Variants in CSMD1 observed in about 807,000 individuals in gnomAD.
CSMD1 encodes the protein CUB and Sushi multiple domains 1.
CSMD1 carries 213 observed loss-of-function variants against 417.5 expected under a neutral mutation model. The observed-to-expected ratio is 0.51, with a 90% CI of 0.46 to 0.57. The LOEUF (loss-of-function observed/expected upper bound fraction) is 0.57. Among genes scored for constraint, CSMD1 ranks in the 20% least tolerant of loss-of-function variants. CSMD1 has a pLI of 0.00. For missense variants in CSMD1, 6,923 were observed against 4,529.7 expected (o/e 1.53, Z -15.17); for synonymous variants, 2,862 against 1,736.8 (o/e 1.65, Z -16.11).
At chr8:3,517,414 AAG>A (rs769790780) in intron 10 of CSMD1, among the ~76,000 whole-genome samples, 20 of 152,272 alleles carry the variant, frequency 1.3e-4, no homozygotes, top group Non-Finnish European at 2.5e-4. Flanking sequence ...TATCCAAGCA[AAG>A]AGAGTCCTCT....
intron 12 of CSMD1, among the ~76,000 whole-genome samples, chr8:3,410,817 C>T (rs557233073): frequency 6.6e-6 from 1 of 152,116 alleles, no homozygotes; most frequent in Non-Finnish European, 1.5e-5. Context: ...TAGCTCACTG[C>T]AACTTCCAAC....
intron 5 of CSMD1, among the ~76,000 whole-genome samples, chr8:3,932,810 G>C (rs1036417675): frequency 9.3e-5 from 14 of 150,042 alleles, no homozygotes; most frequent in Non-Finnish European, 2.1e-4. Flanking sequence ...GAGATAAAAA[G>C]TTACTAATAT....
chr8:4,315,122 A>G (rs1240959887), intron 3 of CSMD1, among the ~76,000 whole-genome samples: 1 of 152,166 alleles, frequency 6.6e-6, no homozygotes, highest in Admixed American at 6.5e-5. Context: ...CACCATCGCA[A>G]GAGCACCACT....
Position 3,675,293 on chromosome 8 carries a change from GC to G in CSMD1, c.1009+33120del, listed in dbSNP as rs1799315894. Among the ~76,000 whole-genome samples the G allele has an allele frequency of 1.3e-5, 2 of 152,138 alleles. 1 individual carries two copies. Among genetic ancestry groups the G allele is most frequent in the Admixed American group, 1.3e-4 (2 of 15,262 alleles). On this transcript the variant is annotated intron_variant, in intron 7 of 69. Transcript: ENST00000635120. ...CCATTCCCCTGCTCCTGGAGGGTTG[GC>G]AGCACTATGCACATCCTCACGTCTC... is the stretch of plus-strand genomic sequence containing the variant.
At chr8:4,980,496 G>C (rs1178620257) in intron 1 of CSMD1, among the ~76,000 whole-genome samples, 1 of 152,220 alleles carries the variant, frequency 6.6e-6, no homozygotes, top group African/African-American at 2.4e-5. Flanking sequence ...ACTGTAAAAT[G>C]AAAGGAGAAT....
chr8:4,537,387 G>A (rs904536906), intron 2 of CSMD1, among the ~76,000 whole-genome samples: 1 of 152,116 alleles, frequency 6.6e-6, no homozygotes, highest in Non-Finnish European at 1.5e-5. Context: ...GTAGGGCAAT[G>A]TAATATTGCA....
At chr8:4,733,819 G>T (rs906028175) in intron 1 of CSMD1, among the ~76,000 whole-genome samples, 1 of 152,100 alleles carries the variant, frequency 6.6e-6, no homozygotes. Context: ...ATGGAAAACT[G>T]CCTTATTTTA....
At chr8:4,173,930 C>G (rs535670609) in intron 3 of CSMD1, among the ~76,000 whole-genome samples, 1 of 152,196 alleles carries the variant, frequency 6.6e-6, no homozygotes, top group South Asian at 2.1e-4. Context: ...TATGAACTAG[C>G]TTCTTCCCTC....
intron 18 of CSMD1, among the ~76,000 whole-genome samples, chr8:3,371,445 C>G (rs13280606): frequency 1.3e-5 from 2 of 150,422 alleles, no homozygotes; most frequent in African/African-American, 4.9e-5. Flanking sequence ...CTCAGTGTCA[C>G]AATTTACTAT....
At chr8:4,407,222 C>T (rs926708274) in intron 3 of CSMD1, among the ~76,000 whole-genome samples, 1 of 152,188 alleles carries the variant, frequency 6.6e-6, no homozygotes, top group South Asian at 2.1e-4. Flanking sequence ...AATTCCAGCT[C>T]TTCTATGCCA....
chr8:4,993,881 C>A (rs1252079496), intron 1 of CSMD1, among the ~76,000 whole-genome samples: 2 of 152,062 alleles, frequency 1.3e-5, no homozygotes, highest in African/African-American at 4.8e-5. Flanking sequence ...CGTAGAGAGC[C>A]CGAACTTTCC....
At position 2,938,817 on chromosome 8, in the gene CSMD1, G is replaced by A; in HGVS notation, c.10536-73C>T. ...GATTTAGCAGCTGGGACTGTGTGCA[G>A]GAGACAACGTCTACAGAGCAGGGAG... On this transcript the variant is annotated intron_variant, in intron 69 of 69. Transcript: ENST00000635120. 1.5e-6 allele frequency: 2 copies of A among 1,362,400 alleles called. 1 individual carries two copies. The highest frequency in any genetic ancestry group is 2.7e-5 in the South Asian group (2 of 74,946). 84.4% of individuals were successfully genotyped at this position (1,362,400 alleles called of 1,614,324 possible). A position where few individuals can be genotyped will look rare whatever the true frequency, so the allele number is the denominator to read the frequency against.
intron 22 of CSMD1, among the ~76,000 whole-genome samples, chr8:3,347,650 T>C (rs1486158297): frequency 6.6e-6 from 1 of 152,232 alleles, no homozygotes; most frequent in Non-Finnish European, 1.5e-5. Flanking sequence ...ACTTATATTA[T>C]TGTATTAAAT....
chr8:3,228,958 G>A (rs1326553982), intron 27 of CSMD1, among the ~76,000 whole-genome samples: 1 of 152,026 alleles, frequency 6.6e-6, no homozygotes, highest in South Asian at 2.1e-4. Context: ...AAAAGTAAAC[G>A]CAGCACCAGA....
At chr8:3,698,284 A>C (rs1406421733) in intron 7 of CSMD1, among the ~76,000 whole-genome samples, 1 of 152,318 alleles carries the variant, frequency 6.6e-6, no homozygotes, top group Admixed American at 6.5e-5. Context: ...CATTTTTTAC[A>C]ATCTACTACA....
At chr8:3,663,382 T>C (rs565807455) in intron 7 of CSMD1, among the ~76,000 whole-genome samples, 1 of 152,186 alleles carries the variant, frequency 6.6e-6, no homozygotes, top group South Asian at 2.1e-4. Flanking sequence ...GGCACTTCTG[T>C]AAATTTCCCT....
chr8:4,353,400 C>T (rs944891936), intron 3 of CSMD1, among the ~76,000 whole-genome samples: 2 of 152,206 alleles, frequency 1.3e-5, no homozygotes, highest in Non-Finnish European at 1.5e-5. Context: ...AACTGTGAGT[C>T]CACTAAACCT....
chr8:4,519,542 C>T (rs1483367753), intron 2 of CSMD1, among the ~76,000 whole-genome samples: 2 of 151,544 alleles, frequency 1.3e-5, no homozygotes, highest in Non-Finnish European at 2.9e-5. Flanking sequence ...GAGTTCAAGA[C>T]TAGCCTGGAC....
intron 10 of CSMD1, among the ~76,000 whole-genome samples, chr8:3,559,298 G>A (rs1799365217): frequency 6.6e-6 from 1 of 152,192 alleles, no homozygotes; most frequent in Non-Finnish European, 1.5e-5. Flanking sequence ...CATGAAGATC[G>A]CCATGGAATG....
Sources: allele counts gnomAD v4.1 joint callset (sites outside exome capture counted in the v4.1 genomes callset), GRCh38; gene constraint gnomAD v4.1.1; transcripts MANE v1.5; gene names NCBI Gene and HGNC (gene_info 2026-07-23, HGNC 2026-07-21).